Variants in OGDH observed in about 807,000 individuals in gnomAD.
The protein encoded by OGDH is 2-oxoglutarate dehydrogenase complex component E1.
A neutral mutation model predicts 116.6 loss-of-function variants in OGDH; 38 were observed. That is an observed-to-expected ratio of 0.33 (90% CI 0.25 to 0.43). The LOEUF (loss-of-function observed/expected upper bound fraction) is 0.43, where lower values mean the gene tolerates loss of function less well. Ranked by LOEUF, OGDH falls within the 20% of genes least tolerant of loss-of-function variation. OGDH has a pLI of 1.00. For synonymous variants in OGDH, 488 were observed against 533.3 expected (o/e 0.92, Z 1.17); for missense variants, 825 against 1,357.2 (o/e 0.61, Z 6.16).
At position 44,624,173 on chromosome 7, in the gene OGDH, GTTTT is replaced by G. The variant is rs373471585; in HGVS notation, c.-27-143_-27-140del. The G allele has an allele frequency of 8.8e-4, 548 of 622,870 alleles. 2 individuals are homozygous for G. Among genetic ancestry groups the G allele is most frequent in the African/African-American group, 8.1e-3 (434 of 53,624 alleles). 38.6% of individuals were successfully genotyped at this position (622,870 alleles called of 1,614,324 possible). On this transcript the variant is annotated intron_variant, in intron 1 of 22. Transcript: ENST00000222673. The stretch of plus-strand genomic sequence containing the variant: ...CTCCTCAACAATTAGAGTTGAACAT[GTTTT>G]GTTTTTGTTTTTGTTTTTCTAGTAG...
At chr7:44,610,699 C>T (rs577601234) in intron 1 of OGDH, among the ~76,000 whole-genome samples, 24 of 151,960 alleles carry the variant, frequency 1.6e-4, no homozygotes, top group African/African-American at 4.6e-4. Flanking sequence ...CTGCAACCTC[C>T]ACCTCCCCGG....
intron 9 of OGDH, among the ~76,000 whole-genome samples, chr7:44,680,202 A>T (rs1410751290): frequency 6.6e-6 from 1 of 151,950 alleles, no homozygotes; most frequent in Non-Finnish European, 1.5e-5. Context: ...AAAGAGTGAG[A>T]CCCTGCCTCA....
intron 1 of OGDH, among the ~76,000 whole-genome samples, chr7:44,619,476 G>A (rs1784927107): frequency 6.6e-6 from 1 of 152,198 alleles, no homozygotes; most frequent in Non-Finnish European, 1.5e-5. Flanking sequence ...TGTGAGAGCA[G>A]AGGAATAGAC....
At chr7:44,640,438 G>C (rs62460465) in intron 2 of OGDH, among the ~76,000 whole-genome samples, 1 of 151,780 alleles carries the variant, frequency 6.6e-6, no homozygotes, top group Non-Finnish European at 1.5e-5. Context: ...TGCTATTGGT[G>C]GGTTTTTTTT....
At chr7:44,668,756 A>G (rs1237675017) in intron 5 of OGDH, among the ~76,000 whole-genome samples, 1 of 152,242 alleles carries the variant, frequency 6.6e-6, no homozygotes, top group Non-Finnish European at 1.5e-5. Flanking sequence ...GCCACATGTT[A>G]CTATTGAGCA....
intron 2 of OGDH, among the ~76,000 whole-genome samples, chr7:44,628,321 C>G (rs1382452220): frequency 6.6e-6 from 1 of 152,030 alleles, no homozygotes; most frequent in Non-Finnish European, 1.5e-5. Context: ...TAAATATTTA[C>G]TCTTCTCTTA....
chr7:44,657,723 A>G (rs1039572559), intron 4 of OGDH, among the ~76,000 whole-genome samples: 3 of 152,180 alleles, frequency 2.0e-5, no homozygotes, highest in African/African-American at 7.2e-5. Flanking sequence ...GATCCCCAAA[A>G]TGTTCTCCTA....
At chr7:44,613,383 C>T (rs889060350) in intron 1 of OGDH, among the ~76,000 whole-genome samples, 8 of 151,952 alleles carry the variant, frequency 5.3e-5, no homozygotes, top group Non-Finnish European at 7.4e-5. Flanking sequence ...TGTTTTGAGA[C>T]GGAGTCTCAC....
In OGDH at chr7:44,681,820, G is replaced by C; in HGVS notation, c.1307G>C (p.Gly436Ala). ...LSDLPSYTTH[G>A]TVHVVVNNQI... Reference sequence around the variant, plus strand: ...GACCTGCCATCCTACACAACTCATGGCACCGTGCACGTGGTCGTCAACAAC... The same window carrying C: ...GACCTGCCATCCTACACAACTCATGCCACCGTGCACGTGGTCGTCAACAAC... Residue 436 changes from glycine (G) to alanine (A), a missense_variant, in exon 10 of 23, where the codon GGC becomes GCC. Gly to Ala is a moderately conservative substitution (Grantham distance 60). Around this residue, in one of 7 missense-constraint regions of OGDH, gnomAD observed 146 missense variants for 317.3 expected, o/e 0.46. Coordinates refer to ENST00000222673, the MANE Select transcript of OGDH (RefSeq NM_002541.4). 1 of 1,614,144 alleles carries C rather than the reference G, an allele frequency of 6.2e-7. No individual in the cohort carries two copies.
intron 2 of OGDH, among the ~76,000 whole-genome samples, chr7:44,629,660 A>G (rs751140076): frequency 1.2e-4 from 18 of 144,366 alleles, no homozygotes; most frequent in African/African-American, 2.3e-4. Context: ...GCTCTCTGCA[A>G]CTTCCGCTTC....
chr7:44,648,862 G>GT (rs901328059), intron 4 of OGDH, among the ~76,000 whole-genome samples: 8 of 152,294 alleles, frequency 5.3e-5, no homozygotes, highest in Admixed American at 4.6e-4. Flanking sequence ...AGTTCAGATG[G>GT]TAGACTGGGC....
chr7:44,626,366 C>T (rs1032526700), intron 2 of OGDH, among the ~76,000 whole-genome samples: 2 of 151,648 alleles, frequency 1.3e-5, no homozygotes, highest in East Asian at 1.9e-4. Context: ...CACACCCCTA[C>T]ACCTGCAGAT....
At position 44,692,224 on chromosome 7, in the gene OGDH, A is replaced by G. The variant is rs781027965; in HGVS notation, c.1336-1601A>G. Among the ~76,000 whole-genome samples, 101 of 152,316 alleles carry G rather than the reference A, an allele frequency of 6.6e-4. 1 individual carries two copies. The highest frequency in any genetic ancestry group is 1.5e-3 in the South Asian group (7 of 4,826). ...TTTGTATAAGGATGTGTACAGCAACATTGTGTTTACCACAAATTGGAAACA... is the reference window on the plus strand; with the variant it reads ...TTTGTATAAGGATGTGTACAGCAACGTTGTGTTTACCACAAATTGGAAACA... On this transcript the variant is annotated intron_variant, in intron 10 of 22. Coordinates refer to ENST00000222673, the MANE Select transcript of OGDH (RefSeq NM_002541.4).
chr7:44,669,060 A>G (rs1787309729), intron 5 of OGDH, among the ~76,000 whole-genome samples: 1 of 150,310 alleles, frequency 6.7e-6, no homozygotes, highest in Admixed American at 6.6e-5. Flanking sequence ...TACAACAGCC[A>G]TCTGGTGATA....
At position 44,697,972 on chromosome 7, in the gene OGDH, A is replaced by G. The variant is rs111428226; in HGVS notation, c.2358+190A>G. Reference sequence around the variant, plus strand: ...AGTAGCCCATCTGGATGTGGCTAGCATGCCCCGTCCCTGCTGGTGCAGACT... The same window carrying G: ...AGTAGCCCATCTGGATGTGGCTAGCGTGCCCCGTCCCTGCTGGTGCAGACT... On this transcript the variant is annotated intron_variant, in intron 17 of 22. Coordinates refer to ENST00000222673, the MANE Select transcript of OGDH (RefSeq NM_002541.4). This position sits in a 1 kb window ranked among gnomAD's most constrained non-coding sequence, Gnocchi z 6.0. 6.6e-6 allele frequency among the ~76,000 whole-genome samples: 1 copy of G among 152,164 alleles called. No homozygotes were observed. Among genetic ancestry groups the G allele is most frequent in the Non-Finnish European group, 1.5e-5 (1 of 68,026 alleles).
intron 10 of OGDH, among the ~76,000 whole-genome samples, chr7:44,691,981 T>TAAAAAAAAAAAAAAAA (rs371665967): frequency 1.9e-5 from 2 of 102,636 alleles, no homozygotes; most frequent in African/African-American, 8.8e-5. Flanking sequence ...GACTCTGTCT[T>TAAAAAAAAAAAAAAAA]AAAAAAAAAA....
rs73327400 is a variant in OGDH, at chr7:44,647,839, G to A, written c.517+80G>A. The A allele has an allele frequency of 2.5e-3, 2,683 of 1,065,984 alleles. 40 individuals are homozygous for A. The African/African-American group carries it at 0.034, about 14-fold the overall frequency. 66.0% of individuals were successfully genotyped at this position (1,065,984 alleles called of 1,614,324 possible). ...GACCTGTGGTAGCCAGGATGTCCAG[G>A]CAGGAGGGAAAGGCTCTTAAGTTTC... On this transcript the variant is annotated intron_variant, in intron 4 of 22. Coordinates refer to ENST00000222673, the MANE Select transcript of OGDH (RefSeq NM_002541.4).
rs1211521469 is a variant in OGDH at position 44,709,036 on chromosome 7, G to T, written c.*1037G>T. 6.6e-6 allele frequency: 1 copy of T among 151,612 alleles called. No homozygotes were observed. The highest frequency in any genetic ancestry group is 2.4e-5 in the African/African-American group (1 of 41,230). 9.4% of individuals were successfully genotyped at this position (151,612 alleles called of 1,614,324 possible). A position where few individuals can be genotyped will look rare whatever the true frequency, so the allele number is the denominator to read the frequency against. The stretch of plus-strand genomic sequence containing the variant: ...AACAGAAACAACTTTGCATTGCATT[G>T]GCTTGACCCATAAACTAAGTTATAT... On this transcript the variant is annotated 3_prime_UTR_variant, in exon 23 of 23. Transcript: ENST00000222673.
chr7:44,608,958 A>G lies in OGDH; in HGVS notation c.-28+2305A>G, dbSNP rs141199607. On this transcript the variant is annotated intron_variant, in intron 1 of 22. Coordinates refer to ENST00000222673, the MANE Select transcript of OGDH (RefSeq NM_002541.4). ...TAGTAAATATCACAGCCAGATATTG[A>G]CATTAATAAAATTCAAGATACAGAA... Among the ~76,000 whole-genome samples the G allele has an allele frequency of 8.3e-3, 1,270 of 152,290 alleles. 16 individuals carry two copies. The highest frequency in any genetic ancestry group is 0.014 in the Non-Finnish European group (956 of 68,012).
Sources: gnomAD v4.1 joint callset for allele counts (sites outside exome capture counted in the v4.1 genomes callset) on GRCh38, gnomAD v4.1.1 for gene constraint, gnomAD v4.1.1 regional missense constraint, Gnocchi (gnomAD v3.1) non-coding constraint, MANE v1.5 for transcripts, NCBI Gene and HGNC (gene_info 2026-07-23, HGNC 2026-07-21) for gene names.